Variants in ABAT observed in about 807,000 individuals in gnomAD.
The protein encoded by ABAT is 4-aminobutyrate aminotransferase.
In ABAT, 45 loss-of-function variants were observed where a neutral mutation model predicts 64.6. The ratio of observed to expected loss-of-function variants is 0.70; its 90% CI spans 0.55 to 0.89. The LOEUF (loss-of-function observed/expected upper bound fraction) is 0.89, where lower values mean the gene tolerates loss of function less well. ABAT is among the 40% of genes least tolerant of loss of function. The pLI is 0.00. For missense variants in ABAT, 633 were observed against 658.4 expected, an observed-to-expected ratio of 0.96 and a Z score of 0.42; for synonymous variants, 297 against 250.5, an observed-to-expected ratio of 1.19 and a Z score of -1.75.
At chr16:8,742,339 A>C (rs1233001977) in intron 2 of ABAT, among the ~76,000 whole-genome samples, 3 of 152,170 alleles carry the variant, frequency 2.0e-5, no homozygotes, top group African/African-American at 7.2e-5. Context: ...TGATTGCTAC[A>C]ATGCAATGTC....
At chr16:8,739,039 G>C (rs946755606) in intron 2 of ABAT, among the ~76,000 whole-genome samples, 2 of 152,230 alleles carry the variant, frequency 1.3e-5, no homozygotes, top group African/African-American at 2.4e-5. Context: ...GGTATGGAGG[G>C]TTCCAAGTCA....
At chr16:8,773,063 A>T in intron 12 of ABAT, 146 bp downstream of exon 12, 1 of 939,744 alleles carries the variant, frequency 1.1e-6, no homozygotes, top group Non-Finnish European at 1.6e-6. Context: ...GGGGTGGAGA[A>T]GTTGGGGTTG....
intron 9 of ABAT, 117 bp downstream of exon 9, chr16:8,766,387 G>A: frequency 1.0e-6 from 1 of 966,206 alleles, no homozygotes; most frequent in South Asian, 1.4e-5. Context: ...AGGCGCGGTG[G>A]CTCATGCCTG....
intron 1 of ABAT, among the ~76,000 whole-genome samples, chr16:8,722,188 C>T (rs372487917): frequency 9.2e-5 from 14 of 152,346 alleles, no homozygotes; most frequent in African/African-American, 3.1e-4. Flanking sequence ...TAGCCTTGGG[C>T]GGTCCACTCT....
chr16:8,772,903 G>C lies in ABAT; in HGVS notation c.940G>C (p.Asp314His). ...CGATGACTTCTTTCGGAAGCTGAGA[G>C]ACATCGCCAGGAAGGTCAGTGGACA... is the stretch of plus-strand genomic sequence containing the variant. The part of the protein sequence containing the change: ...ASDDFFRKLR[D>H]IARKHGCAFL... Residue 314 changes from aspartate (D) to histidine (H), a missense_variant, in exon 12 of 16, where the codon GAC becomes CAC. By Grantham distance (81) the Asp-to-His change is moderately conservative. Coordinates refer to ENST00000268251, the MANE Select transcript of ABAT (RefSeq NM_020686.6). The C allele has an allele frequency of 1.9e-6, 3 of 1,613,862 alleles. No individual in the cohort carries two copies. The highest frequency in any genetic ancestry group is 2.5e-6 in the Non-Finnish European group (3 of 1,180,004).
chr16:8,733,553 A>G (rs1250122494), intron 1 of ABAT, among the ~76,000 whole-genome samples: 2 of 151,914 alleles, frequency 1.3e-5, no homozygotes, highest in Admixed American at 6.5e-5. Context: ...TTGAGCACTG[A>G]GTGAACGAGA....
intron 1 of ABAT, among the ~76,000 whole-genome samples, chr16:8,728,297 C>T (rs555729051): frequency 1.1e-4 from 16 of 152,292 alleles, no homozygotes; most frequent in Admixed American, 9.2e-4. Context: ...AATGTCACCA[C>T]GGTATATTTT....
chr16:8,768,312 C>T, intron 10 of ABAT, 56 bp downstream of exon 10: 5 of 1,559,992 alleles, frequency 3.2e-6, no homozygotes, highest in Non-Finnish European at 4.4e-6. Context: ...ATAATAACGG[C>T]AACAATAGCG....
intron 1 of ABAT, among the ~76,000 whole-genome samples, chr16:8,697,352 TTAAAA>T (rs2057725913): frequency 6.6e-6 from 1 of 152,182 alleles, no homozygotes; most frequent in South Asian, 2.1e-4. Flanking sequence ...GTGTTTCACT[TTAAAA>T]TAATCCCTAT....
chr16:8,776,292 C>T lies in ABAT; in HGVS notation c.1123-52C>T. On this transcript the variant is annotated intron_variant, in intron 13 of 15. Transcript: ENST00000268251. This position sits in a 1 kb window ranked among gnomAD's most constrained non-coding sequence, Gnocchi z 4.4. ...GCGGGGCGCCTGGGGTAAGTGACTCCTGCAGGGTGTGCATGTGTGTGAAGC... is the reference window on the plus strand; with the variant it reads ...GCGGGGCGCCTGGGGTAAGTGACTCTTGCAGGGTGTGCATGTGTGTGAAGC... 6.2e-7 allele frequency: 1 copy of T among 1,613,424 alleles called. No individual in the cohort carries two copies. Among genetic ancestry groups the T allele is most frequent in the Non-Finnish European group, 8.5e-7 (1 of 1,179,916 alleles).
chr16:8,757,636 C>T, intron 5 of ABAT, 121 bp from the exon 6 acceptor site: 2 of 1,101,504 alleles, frequency 1.8e-6, no homozygotes, highest in South Asian at 2.6e-5. Context: ...GGATAAAAGA[C>T]CCTTTGGTTT....
intron 1 of ABAT, chr16:8,712,713 G>A (rs1030269995): frequency 6.6e-6 from 1 of 152,240 alleles, no homozygotes; most frequent in African/African-American, 2.4e-5. Flanking sequence ...TTGCCCTAAC[G>A]TGCTGATTAC....
chr16:8,710,444 A>G (rs1046291067), intron 1 of ABAT, among the ~76,000 whole-genome samples: 3 of 152,096 alleles, frequency 2.0e-5, no homozygotes, highest in Admixed American at 1.3e-4. Flanking sequence ...TCAAGCCCTT[A>G]GAGAGATGAG....
At chr16:8,756,035 C>T (rs947680422) in intron 5 of ABAT, among the ~76,000 whole-genome samples, 1 of 149,870 alleles carries the variant, frequency 6.7e-6, no homozygotes, top group Non-Finnish European at 1.5e-5. Context: ...GGCAACAGAG[C>T]GAGACTCTCT....
At chr16:8,769,138 A>T (rs926705054) in intron 11 of ABAT, among the ~76,000 whole-genome samples, 165 bp downstream of exon 11, 15 of 152,180 alleles carry the variant, frequency 9.9e-5, no homozygotes, top group African/African-American at 1.4e-4. Flanking sequence ...CAAATGTTCT[A>T]TGTTGGGAGA....
chr16:8,759,039 T>A (rs1248045043), intron 6 of ABAT, among the ~76,000 whole-genome samples: 2 of 151,802 alleles, frequency 1.3e-5, no homozygotes, highest in Admixed American at 6.6e-5. Context: ...GAGGTGGAGG[T>A]TGCAGTGAGC....
At chr16:8,738,403 C>G (rs1463175651) in intron 2 of ABAT, 1 of 455,778 alleles carries the variant, frequency 2.2e-6, no homozygotes, top group African/African-American at 2.0e-5. Context: ...TTTTATTTGG[C>G]TTTCACTCAT....
At chr16:8,722,679 A>T in intron 1 of ABAT, 2 of 550,390 alleles carry the variant, frequency 3.6e-6, no homozygotes, top group Non-Finnish European at 5.7e-6. Context: ...GATTTCTCCA[A>T]CCTCCTTGGT....
At position 8,691,653 on chromosome 16, in the gene ABAT, C is replaced by T. The variant is rs141697608; in HGVS notation, c.-42+16942C>T. ...AGGGGGTTTCGCCATGTTGGCCAGGCGGGTCTCAAACTCCTGATCTCAGGC... is the reference window on the plus strand; with the variant it reads ...AGGGGGTTTCGCCATGTTGGCCAGGTGGGTCTCAAACTCCTGATCTCAGGC... On this transcript the variant is annotated intron_variant, in intron 1 of 15. Coordinates refer to ENST00000268251, the MANE Select transcript of ABAT (RefSeq NM_020686.6). 2.2e-3 allele frequency among the ~76,000 whole-genome samples: 329 copies of T among 152,248 alleles called. 4 individuals are homozygous for T. Among genetic ancestry groups the T allele is most frequent in the African/African-American group, 7.6e-3 (315 of 41,558 alleles).
Sources: gnomAD v4.1 joint callset for allele counts (sites outside exome capture counted in the v4.1 genomes callset) on GRCh38, gnomAD v4.1.1 for gene constraint, Gnocchi (gnomAD v3.1) non-coding constraint, MANE v1.5 for transcripts, NCBI Gene and HGNC (gene_info 2026-07-23, HGNC 2026-07-21) for gene names.